Variants in ADAT1 observed in about 807,000 individuals in gnomAD.
ADAT1 encodes the protein tRNA-specific adenosine deaminase 1.
In ADAT1, 58 loss-of-function variants were observed where a neutral mutation model predicts 58.6. The ratio of observed to expected loss-of-function variants is 0.99; its 90% confidence interval spans 0.80 to 1.23. The LOEUF (loss-of-function observed/expected upper bound fraction) is 1.23, where lower values mean the gene tolerates loss of function less well. Ranked by LOEUF, ADAT1 falls within the 50% of genes most tolerant of loss-of-function variation. The pLI is 0.00. For synonymous variants in ADAT1, 254 were observed against 220.8 expected, an observed-to-expected ratio of 1.15 and a Z score of -1.33; for missense variants, 741 against 608.6, an observed-to-expected ratio of 1.22 and a Z score of -2.29.
intron 6 of ADAT1, among the ~76,000 whole-genome samples, chr16:75,611,397 T>C (rs1255803840): frequency 6.6e-6 from 1 of 152,078 alleles, no homozygotes; most frequent in African/African-American, 2.4e-5. Flanking sequence ...TCATAAATAT[T>C]ATTATTTTAT....
At position 75,596,907 on chromosome 16, in the gene ADAT1, T is replaced by C. The variant is rs1160532627; in HGVS notation, c.*3309A>G. On this transcript the variant is annotated 3_prime_UTR_variant, in exon 10 of 10. Transcript: ENST00000564657. ...TTTTATTCCATAAATAGTAATAAAGTACTGATTCATGCTACAACATAAATC... is the reference window on the plus strand; with the variant it reads ...TTTTATTCCATAAATAGTAATAAAGCACTGATTCATGCTACAACATAAATC... The C allele has an allele frequency of 6.6e-6, 1 of 152,148 alleles. No individual in the cohort carries two copies. Among genetic ancestry groups the C allele is most frequent in the African/African-American group, 2.4e-5 (1 of 41,422 alleles). 9.4% of individuals were successfully genotyped at this position (152,148 alleles called of 1,614,324 possible). A position where few individuals can be genotyped will look rare whatever the true frequency, so the allele number is the denominator to read the frequency against.
In ADAT1 at chr16:75,604,474, T is replaced by TATACACAC. The variant is rs1324943206; in HGVS notation, c.1290-1304_1290-1303insGTGTGTAT. 9.7e-3 allele frequency among the ~76,000 whole-genome samples: 523 copies of TATACACAC among 53,974 alleles called. 10 individuals carry two copies. Among genetic ancestry groups the TATACACAC allele is most frequent in the South Asian group, 0.016 (18 of 1,134 alleles). 35.4% of individuals were successfully genotyped at this position (53,974 alleles called of 152,430 possible). On this transcript the variant is annotated intron_variant, in intron 8 of 9. Coordinates refer to ENST00000564657, the MANE Select transcript of ADAT1 (RefSeq NM_001324445.2). ...AAAAAAAAATATATATATATATATA[T>TATACACAC]ACACACACACACACACACACACACA...
rs570540225 is a variant in ADAT1 at position 75,597,608 on chromosome 16, G to A, written c.*2608C>T. ...ACTGTATTTCTATTATTATTACATCGTAATACATGATGAAATAATTATACA... is the reference window on the plus strand; with the variant it reads ...ACTGTATTTCTATTATTATTACATCATAATACATGATGAAATAATTATACA... On this transcript the variant is annotated 3_prime_UTR_variant, in exon 10 of 10. Transcript: ENST00000564657. Among the ~76,000 whole-genome samples, 250 of 152,168 alleles carry A rather than the reference G, an allele frequency of 1.6e-3. No individual in the cohort carries two copies. Among genetic ancestry groups the A allele is most frequent in the Non-Finnish European group, 1.9e-3 (131 of 68,006 alleles).
Position 75,600,172 on chromosome 16 carries a change from A to G in ADAT1, c.*44T>C. 1 of 1,609,500 alleles carries G rather than the reference A, an allele frequency of 6.2e-7. No homozygotes were observed. Among genetic ancestry groups the G allele is most frequent in the Non-Finnish European group, 8.5e-7 (1 of 1,176,576 alleles). The stretch of plus-strand genomic sequence containing the variant: ...AGACTTGTCCTGCGTGGAGGAAGGC[A>G]GTTCAGGATGAAGGGTCCTGCTACC... On this transcript the variant is annotated 3_prime_UTR_variant, in exon 10 of 10. Transcript: ENST00000564657.
intron 4 of ADAT1, among the ~76,000 whole-genome samples, chr16:75,618,223 T>C (rs900263032): frequency 8.6e-5 from 13 of 151,902 alleles, no homozygotes; most frequent in African/African-American, 3.1e-4. Flanking sequence ...ATGTAAATTC[T>C]GGGTGAGGCG....
chr16:75,612,318 G>C lies in ADAT1; in HGVS notation c.968C>G (p.Pro323Arg), dbSNP rs751233081. 1 of 1,614,132 alleles carries C rather than the reference G, an allele frequency of 6.2e-7. No individual in the cohort carries two copies. Residue 323 changes from proline (P) to arginine (R), a missense_variant, in exon 6 of 10, where the codon CCC (proline) becomes CGC (arginine). Transcript: ENST00000564657. ...GALLMHLLEE[P>R]IYLSAVVIGK... ...AATGACCACAGCTGACAGGTAGATG[G>C]GCTCTTCCAGCAAGTGCATCAACAG...
chr16:75,616,967 G>A (rs1033232403), intron 5 of ADAT1, among the ~76,000 whole-genome samples, 175 bp downstream of exon 5: 1 of 152,200 alleles, frequency 6.6e-6, no homozygotes. Context: ...ACCTTTAGAA[G>A]TGATTAGGTA....
chr16:75,618,104 A>AC lies in ADAT1; in HGVS notation c.293+481_293+482insG, dbSNP rs1045270541. Among the ~76,000 whole-genome samples, 20 of 142,364 alleles carry AC rather than the reference A, an allele frequency of 1.4e-4. 1 individual carries two copies. Among genetic ancestry groups the AC allele is most frequent in the African/African-American group, 5.5e-4 (19 of 34,500 alleles). The allele number at this position is 142,364 out of a possible 152,430, so 93.4% of individuals were successfully genotyped here. ...CAGAGCAAGACCCTGTGTCCAAAAA[A>AC]AAAAAAAAAAAAAAAAAAAAGAGAG... On this transcript the variant is annotated intron_variant, in intron 4 of 9. Transcript: ENST00000564657.
intron 6 of ADAT1, among the ~76,000 whole-genome samples, chr16:75,611,475 T>A (rs772162411): frequency 6.6e-6 from 1 of 152,072 alleles, no homozygotes; most frequent in South Asian, 2.1e-4. Context: ...AGCCTCAATC[T>A]TCCCAGGGTC....
At chr16:75,613,742 G>C (rs1277355532) in intron 5 of ADAT1, among the ~76,000 whole-genome samples, 1 of 152,176 alleles carries the variant, frequency 6.6e-6, no homozygotes, top group Non-Finnish European at 1.5e-5. Context: ...TGAAAATAAA[G>C]AATGTCTCCA....
At chr16:75,609,351 T>C (rs899600868) in intron 6 of ADAT1, among the ~76,000 whole-genome samples, 1 of 152,140 alleles carries the variant, frequency 6.6e-6, no homozygotes. Flanking sequence ...AATTATCCTA[T>C]AATATAAAAG....
intron 8 of ADAT1, among the ~76,000 whole-genome samples, chr16:75,604,224 G>A (rs2081301514): frequency 6.6e-6 from 1 of 151,732 alleles, no homozygotes; most frequent in African/African-American, 2.4e-5. Flanking sequence ...CCTGAGGTCA[G>A]GAGTTCGAGA....
chr16:75,614,628 C>G (rs1225180001), intron 5 of ADAT1, among the ~76,000 whole-genome samples: 1 of 152,180 alleles, frequency 6.6e-6, no homozygotes, highest in Non-Finnish European at 1.5e-5. Context: ...GGGTCCATCT[C>G]CCACTCTGCA....
In ADAT1 at chr16:75,612,231, C is replaced by A; in HGVS notation, c.1043+12G>T. On this transcript the variant is annotated intron_variant, in intron 6 of 9. Transcript: ENST00000564657. ...AATGACTGTTCCAATTGAGCCCTCCCTACCCTCTCACCTTCCAATCAGTGC... is the reference window on the plus strand; with the variant it reads ...AATGACTGTTCCAATTGAGCCCTCCATACCCTCTCACCTTCCAATCAGTGC... 6.2e-7 allele frequency: 1 copy of A among 1,611,140 alleles called. No homozygotes were observed. The highest frequency in any genetic ancestry group is 8.5e-7 in the Non-Finnish European group (1 of 1,178,012).
At chr16:75,621,991 TA>T (rs1449116951) in intron 1 of ADAT1, among the ~76,000 whole-genome samples, 1 of 151,800 alleles carries the variant, frequency 6.6e-6, no homozygotes, top group Non-Finnish European at 1.5e-5. Flanking sequence ...CTACTGAAAA[TA>T]CAAAAAAATT....
In ADAT1 at chr16:75,612,385, C is replaced by T; in HGVS notation, c.901G>A (p.Asp301Asn). The T allele has an allele frequency of 6.2e-7, 1 of 1,614,230 alleles. No individual in the cohort carries two copies. The highest frequency in any genetic ancestry group is 8.5e-7 in the Non-Finnish European group (1 of 1,180,048). ...GDRTRSMSCS[D>N]KMARWNVLGC... ...AGGACGTTCCATCGGGCCATCTTGTCACTACAGGACATGGAGCGTGTTCTG... is the reference window on the plus strand; with the variant it reads ...AGGACGTTCCATCGGGCCATCTTGTTACTACAGGACATGGAGCGTGTTCTG... Residue 301 changes from aspartate to asparagine, a missense_variant, in exon 6 of 10, where the codon GAC (aspartate) becomes AAC (asparagine). Physicochemically the swap from Asp to Asn is conservative, Grantham distance 23. Transcript: ENST00000564657.
intron 1 of ADAT1, among the ~76,000 whole-genome samples, chr16:75,621,461 G>C (rs1331048251): frequency 1.3e-5 from 2 of 151,942 alleles, no homozygotes; most frequent in Non-Finnish European, 2.9e-5. Flanking sequence ...TAACCTTGCT[G>C]GGTCTGTTTC....
intron 6 of ADAT1, among the ~76,000 whole-genome samples, chr16:75,611,065 G>A (rs1418181538): frequency 6.6e-6 from 1 of 152,150 alleles, no homozygotes; most frequent in East Asian, 1.9e-4. Flanking sequence ...AGTAAACTAT[G>A]ATTGTACCAC....
At chr16:75,611,886 C>A (rs189946450) in intron 6 of ADAT1, among the ~76,000 whole-genome samples, 1 of 151,638 alleles carries the variant, frequency 6.6e-6, no homozygotes, top group Non-Finnish European at 1.5e-5. Context: ...GGTGAAACCC[C>A]GTCTCTACTA....
Sources: allele counts gnomAD v4.1 joint callset (sites outside exome capture counted in the v4.1 genomes callset), GRCh38; gene constraint gnomAD v4.1.1; transcripts MANE v1.5; gene names NCBI Gene and HGNC (gene_info 2026-07-23, HGNC 2026-07-21).